Variants in ITGB8 observed in about 807,000 individuals in gnomAD.
The protein encoded by ITGB8 is integrin subunit beta 8, also known as integrin beta-8.
Under a neutral mutation model 89.5 loss-of-function variants are expected in ITGB8, and 30 were observed. The ratio of observed to expected loss-of-function variants is 0.34; its 90% CI spans 0.25 to 0.45. ITGB8 has a LOEUF of 0.45. ITGB8 is among the 20% of genes least tolerant of loss of function. The probability of loss-of-function intolerance (pLI) is 1.00; values close to 1 mark genes in which losing one functional copy is unlikely to be tolerated. For missense variants in ITGB8, 836 were observed against 933.3 expected (o/e 0.90, Z 1.36); for synonymous variants, 335 against 320.4 (o/e 1.05, Z -0.49).
intron 3 of ITGB8, among the ~76,000 whole-genome samples, chr7:20,371,303 A>C (rs1174828850): frequency 6.6e-6 from 1 of 152,198 alleles, no homozygotes; most frequent in East Asian, 1.9e-4. Context: ...AAGAGTTATA[A>C]ACATTTTGAA....
chr7:20,404,261 T>G (rs1054375312), intron 10 of ITGB8, among the ~76,000 whole-genome samples: 3 of 152,196 alleles, frequency 2.0e-5, no homozygotes, highest in African/African-American at 7.2e-5. Flanking sequence ...CCTGTATCTT[T>G]TCTAATTTCA....
chr7:20,363,542 T>C (rs1785581317), intron 1 of ITGB8, 95 bp from the exon 2 acceptor site: 8 of 608,712 alleles, frequency 1.3e-5, no homozygotes, highest in Admixed American at 3.9e-5. Flanking sequence ...CAGTTTTTCA[T>C]TTGTTTCAAT....
At chr7:20,391,377 C>T in intron 6 of ITGB8, 26 bp from the exon 7 acceptor site, 1 of 1,288,390 alleles carries the variant, frequency 7.8e-7, no homozygotes, top group Non-Finnish European at 1.1e-6. Context: ...ATTTCATTCC[C>T]TTATTTATTT....
At chr7:20,371,146 T>C (rs538306417) in intron 3 of ITGB8, among the ~76,000 whole-genome samples, 1 of 152,254 alleles carries the variant, frequency 6.6e-6, no homozygotes, top group South Asian at 2.1e-4. Context: ...TAAAACATAT[T>C]GTTATCTCAA....
At chr7:20,360,786 T>A (rs1022164355) in intron 1 of ITGB8, among the ~76,000 whole-genome samples, 11 of 152,106 alleles carry the variant, frequency 7.2e-5, no homozygotes, top group Admixed American at 2.0e-4. Flanking sequence ...TGTTTGCCAT[T>A]GTGAATTGTA....
intron 3 of ITGB8, among the ~76,000 whole-genome samples, chr7:20,373,628 G>A (rs906664369): frequency 3.3e-5 from 5 of 152,136 alleles, no homozygotes; most frequent in African/African-American, 9.6e-5. Context: ...TCCACCCCCT[G>A]GCACACATTC....
chr7:20,391,878 C>T lies in ITGB8; in HGVS notation c.1056+380C>T, dbSNP rs537256459. ...TCTTATTCTGGTACATGAGCATATCCTCATAATAGGTTAAAATTAGAGAAT... is the reference window on the plus strand; with the variant it reads ...TCTTATTCTGGTACATGAGCATATCTTCATAATAGGTTAAAATTAGAGAAT... On this transcript the variant is annotated intron_variant, in intron 7 of 13. Coordinates refer to ENST00000222573, the MANE Select transcript of ITGB8 (RefSeq NM_002214.3). Among the ~76,000 whole-genome samples, 4 of 152,242 alleles carry T rather than the reference C, an allele frequency of 2.6e-5. No homozygotes were observed. The South Asian group carries it at 6.2e-4, about 24-fold the overall frequency.
intron 6 of ITGB8, among the ~76,000 whole-genome samples, chr7:20,388,690 G>A (rs1277976256): frequency 6.6e-6 from 1 of 151,598 alleles, no homozygotes; most frequent in African/African-American, 2.4e-5. Flanking sequence ...AGAATGTGCA[G>A]GTTTGTTACC....
At chr7:20,398,648 A>G (rs1787184761) in intron 8 of ITGB8, among the ~76,000 whole-genome samples, 1 of 152,218 alleles carries the variant, frequency 6.6e-6, no homozygotes, top group African/African-American at 2.4e-5. Context: ...AACAATTTGA[A>G]TGCAGATAAT....
At chr7:20,362,245 A>T (rs562463097) in intron 1 of ITGB8, among the ~76,000 whole-genome samples, 3 of 152,306 alleles carry the variant, frequency 2.0e-5, no homozygotes, top group Non-Finnish European at 1.5e-5. Flanking sequence ...GAGAAAGAAA[A>T]AAAGAGAAAA....
Position 20,409,730 on chromosome 7 carries a change from T to C in ITGB8, c.2139T>C (p.Ser713=). 1 of 1,612,280 alleles carries C rather than the reference T, an allele frequency of 6.2e-7. No homozygotes were observed. Among genetic ancestry groups the C allele is most frequent in the Non-Finnish European group, 8.5e-7 (1 of 1,178,878 alleles). The part of the protein sequence containing the change: ...IIRQVILQWN[S]NKIKSSSDYR... ...GACAGGTGATACTACAATGGAATAG[T>C]AATAAAATTAAGTCCTCATCAGATT... Residue 713 remains serine (S), a synonymous_variant, in exon 13 of 14, where the codon AGT becomes AGC. Coordinates refer to ENST00000222573, the MANE Select transcript of ITGB8 (RefSeq NM_002214.3).
rs753442811 is a variant in ITGB8 at position 20,401,773 on chromosome 7, A to T, written c.1334A>T (p.Lys445Ile). Residue 445 changes from lysine to isoleucine, a missense_variant, in exon 10 of 14, where the codon AAA becomes ATA. Physicochemically the swap from Lys to Ile is moderately radical, Grantham distance 102. Coordinates refer to ENST00000222573, the MANE Select transcript of ITGB8 (RefSeq NM_002214.3). Reference protein sequence around the residue: ...TMKKCDVTGGKNYAIIKPIGF... With the variant: ...TMKKCDVTGGINYAIIKPIGF... ...AAAAAATGTGATGTCACAGGAGGAA[A>T]AAACTATGCAATAATCAAACCTATT... The T allele has an allele frequency of 2.5e-6, 4 of 1,595,588 alleles. No individual in the cohort carries two copies. The East Asian group carries it at 8.9e-5, about 36-fold the overall frequency.
At chr7:20,370,986 CA>C (rs1175143377) in intron 3 of ITGB8, among the ~76,000 whole-genome samples, 9 of 152,082 alleles carry the variant, frequency 5.9e-5, no homozygotes, top group Non-Finnish European at 7.4e-5. Flanking sequence ...ACCCTATTAT[CA>C]AATTCTTAAT....
chr7:20,367,083 A>T lies in ITGB8; in HGVS notation c.285A>T (p.Ser95=), dbSNP rs766698969. ...CCAATTTAATAAGCAAAGGCTGCTCAGTTGATTCAATAGAATACCCATCTG... is the reference window on the plus strand; with the variant it reads ...CCAATTTAATAAGCAAAGGCTGCTCTGTTGATTCAATAGAATACCCATCTG... ...IVSNLISKGC[S]VDSIEYPSVH... is the part of the protein sequence containing the mutation. Residue 95 remains serine, a synonymous_variant, in exon 3 of 14, where the codon TCA becomes TCT. Coordinates refer to ENST00000222573, the MANE Select transcript of ITGB8 (RefSeq NM_002214.3). 1.2e-6 allele frequency: 2 copies of T among 1,612,066 alleles called. No homozygotes were observed. The highest frequency in any genetic ancestry group is 1.7e-6 in the Non-Finnish European group (2 of 1,178,154).
At chr7:20,384,140 T>A (rs927394080) in intron 6 of ITGB8, among the ~76,000 whole-genome samples, 8 of 152,222 alleles carry the variant, frequency 5.3e-5, no homozygotes, top group Admixed American at 4.6e-4. Flanking sequence ...GCATATTTAT[T>A]TGTGCATTTC....
At chr7:20,335,311 A>C (rs1279301560) in intron 1 of ITGB8, among the ~76,000 whole-genome samples, 1 of 152,238 alleles carries the variant, frequency 6.6e-6, no homozygotes, top group East Asian at 1.9e-4. Context: ...ACACAGTTTC[A>C]ACCATTTACT....
chr7:20,386,278 G>A (rs1325901370), intron 6 of ITGB8, among the ~76,000 whole-genome samples: 9 of 146,428 alleles, frequency 6.1e-5, no homozygotes, highest in South Asian at 2.1e-4. Context: ...TCACTGTGTC[G>A]CCCAGGCTGG....
At chr7:20,367,289 T>G (rs1785739290) in intron 3 of ITGB8, 103 bp downstream of exon 3, 1 of 867,516 alleles carries the variant, frequency 1.2e-6, no homozygotes, top group Non-Finnish European at 1.9e-6. Flanking sequence ...GTATTGTTCT[T>G]GTAGAAACCA....
intron 11 of ITGB8, among the ~76,000 whole-genome samples, chr7:20,405,638 A>T (rs1474030548): frequency 6.6e-6 from 1 of 152,040 alleles, no homozygotes; most frequent in African/African-American, 2.4e-5. Flanking sequence ...TATTTTAATG[A>T]TAAAGAACAA....
Sources: gnomAD v4.1 joint callset for allele counts (sites outside exome capture counted in the v4.1 genomes callset) on GRCh38, gnomAD v4.1.1 for gene constraint, MANE v1.5 for transcripts, NCBI Gene and HGNC (gene_info 2026-07-23, HGNC 2026-07-21) for gene names.